ITGB2: variants seen among roughly 807,000 people sequenced by gnomAD.
ITGB2 encodes integrin beta-2.
In ITGB2, 56 loss-of-function variants were observed where a neutral mutation model predicts 86.8. The ratio of observed to expected loss-of-function variants is 0.65; its 90% CI spans 0.52 to 0.81. The LOEUF (loss-of-function observed/expected upper bound fraction) is 0.81, where lower values mean the gene tolerates loss of function less well. Ranked by LOEUF, ITGB2 falls within the 30% of genes least tolerant of loss-of-function variation. The pLI is 0.00. For missense variants in ITGB2, 948 were observed against 1,061.2 expected (o/e 0.89, Z 1.48); for synonymous variants, 457 against 450.4 (o/e 1.01, Z -0.19).
At chr21:44,910,481 C>A in intron 2 of ITGB2, 109 bp from the exon 3 acceptor site, 16 of 1,577,186 alleles carry the variant, frequency 1.0e-5, no homozygotes, top group Non-Finnish European at 1.4e-5. Flanking sequence ...AGGGAGGCAG[C>A]CTCCAGGAGG....
At chr21:44,899,232 T>A in intron 7 of ITGB2, 70 bp from the exon 8 acceptor site, 1 of 1,174,742 alleles carries the variant, frequency 8.5e-7, no homozygotes, top group Admixed American at 1.9e-5. Context: ...CGCCCCTGTC[T>A]GCCCCGCTCA....
intron 6 of ITGB2, among the ~76,000 whole-genome samples, chr21:44,900,872 T>C (rs1438400667): frequency 2.0e-5 from 3 of 152,206 alleles, no homozygotes; most frequent in Non-Finnish European, 2.9e-5. Flanking sequence ...CAGCAGGCCT[T>C]GAGTCCACCA....
intron 14 of ITGB2, 103 bp from the exon 15 acceptor site, chr21:44,887,005 G>T: frequency 2.8e-6 from 4 of 1,439,088 alleles, no homozygotes; most frequent in Non-Finnish European, 3.8e-6. Flanking sequence ...TTAGAGAGAC[G>T]GAGGTTCCCA....
At chr21:44,902,887 G>C (rs1038962241) in intron 5 of ITGB2, among the ~76,000 whole-genome samples, 12 of 152,340 alleles carry the variant, frequency 7.9e-5, no homozygotes, top group South Asian at 2.1e-4. Flanking sequence ...GAGAAGCCAC[G>C]GCCGGCGGGG....
At chr21:44,919,698 C>G (rs873555) in intron 1 of ITGB2, among the ~76,000 whole-genome samples, 11 of 151,966 alleles carry the variant, frequency 7.2e-5, no homozygotes, top group Non-Finnish European at 1.3e-4. Context: ...CTCCGGCCAT[C>G]CCCCCCCTTC....
At chr21:44,918,507 C>G (rs1165389713) in intron 1 of ITGB2, among the ~76,000 whole-genome samples, 2 of 152,194 alleles carry the variant, frequency 1.3e-5, no homozygotes, top group African/African-American at 4.8e-5. Context: ...GCCAGACCAC[C>G]CCTCCTGTTT....
intron 4 of ITGB2, among the ~76,000 whole-genome samples, chr21:44,906,526 A>G (rs1030998155): frequency 2.6e-5 from 4 of 152,178 alleles, no homozygotes; most frequent in Non-Finnish European, 5.9e-5. Flanking sequence ...TGGTTTAAAC[A>G]GTTACTTAGG....
intron 11 of ITGB2, 81 bp downstream of exon 11, chr21:44,891,728 C>A: frequency 6.6e-7 from 1 of 1,508,928 alleles, no homozygotes; most frequent in East Asian, 2.3e-5. Context: ...ATGGAGCCAC[C>A]TGCACCCACC....
intron 13 of ITGB2, 41 bp from the exon 14 acceptor site, chr21:44,888,936 G>A (rs762376746): frequency 8.8e-5 from 137 of 1,560,174 alleles, no homozygotes; most frequent in South Asian, 2.7e-4. Flanking sequence ...CAGGGTGTGC[G>A]GGGGCTCCGG....
intron 13 of ITGB2, 76 bp downstream of exon 13, chr21:44,889,200 G>A (rs1452860688): frequency 2.6e-5 from 37 of 1,439,514 alleles, no homozygotes; most frequent in Middle Eastern, 4.5e-4. Context: ...TGGGGTCCCC[G>A]AGTGAGCCCG....
chr21:44,916,354 A>G (rs2084210015), intron 1 of ITGB2, among the ~76,000 whole-genome samples: 1 of 152,158 alleles, frequency 6.6e-6, no homozygotes, highest in South Asian at 2.1e-4. Context: ...AAGGGAAATC[A>G]AATGATATTT....
intron 1 of ITGB2, among the ~76,000 whole-genome samples, chr21:44,916,212 C>A (rs373527710): frequency 2.6e-5 from 4 of 152,216 alleles, no homozygotes; most frequent in East Asian, 1.9e-4. Flanking sequence ...TGAGCCACTG[C>A]GCCCGGCCTG....
intron 4 of ITGB2, among the ~76,000 whole-genome samples, chr21:44,904,689 CCACACACATGCACTCA>C (rs925684719): frequency 5.3e-5 from 8 of 151,854 alleles, no homozygotes; most frequent in Non-Finnish European, 8.8e-5. Flanking sequence ...CGCACATACA[CCACACACATGCACTCA>C]CATACACATG....
intron 11 of ITGB2, among the ~76,000 whole-genome samples, chr21:44,891,224 A>C (rs1417537568): frequency 6.6e-6 from 1 of 152,152 alleles, no homozygotes. Context: ...CACTGGGTCC[A>C]CCTGTCCCCC....
At position 44,889,308 on chromosome 21, in the gene ITGB2, G is replaced by C. The variant is rs1289225636; in HGVS notation, c.1845C>G (p.Cys615Trp). 6.2e-7 allele frequency: 1 copy of C among 1,612,752 alleles called. No individual in the cohort carries two copies. The highest frequency in any genetic ancestry group is 8.5e-7 in the Non-Finnish European group (1 of 1,179,866). Residue 615 changes from cysteine to tryptophan, a missense_variant, in exon 13 of 16, where the codon TGC (cysteine) becomes TGG (tryptophan). Physicochemically the swap from Cys to Trp is radical, Grantham distance 215. Coordinates refer to ENST00000652462, the MANE Select transcript of ITGB2 (RefSeq NM_000211.5). The part of the protein sequence containing the change: ...SGYQLPLCQE[C>W]PGCPSPCGKY... The stretch of plus-strand genomic sequence containing the variant: ...TGCCACAGGGTGAGGGGCAGCCGGG[G>C]CACTCCTGGCACAGAGGCAGCTGGT...
chr21:44,920,292 C>A (rs1336383081), intron 1 of ITGB2, among the ~76,000 whole-genome samples: 1 of 152,048 alleles, frequency 6.6e-6, no homozygotes, highest in Non-Finnish European at 1.5e-5. Flanking sequence ...TACATGCACA[C>A]CATGCCACAC....
chr21:44,896,808 C>T (rs1344356379), intron 8 of ITGB2, among the ~76,000 whole-genome samples: 1 of 152,248 alleles, frequency 6.6e-6, no homozygotes, highest in Non-Finnish European at 1.5e-5. Flanking sequence ...CTGAGGAAGG[C>T]TTGTGTGCCC....
chr21:44,918,506 C>T (rs2084244573), intron 1 of ITGB2, among the ~76,000 whole-genome samples: 1 of 152,246 alleles, frequency 6.6e-6, no homozygotes, highest in Admixed American at 6.5e-5. Flanking sequence ...GGCCAGACCA[C>T]CCCTCCTGTT....
At chr21:44,919,020 G>GCTGAGTATTCCCCTCTCCCA (rs58007154) in intron 1 of ITGB2, among the ~76,000 whole-genome samples, 1 of 149,604 alleles carries the variant, frequency 6.7e-6, no homozygotes, top group Admixed American at 6.7e-5. Context: ...AGCACTCGGA[G>GCTGAGTATTCCCCTCTCCCA]GCACCTGCAG....
Sources: allele counts gnomAD v4.1 joint callset (sites outside exome capture counted in the v4.1 genomes callset), GRCh38; gene constraint gnomAD v4.1.1; transcripts MANE v1.5; gene names NCBI Gene and HGNC (gene_info 2026-07-23, HGNC 2026-07-21).